The following ABCF3 variants were observed in gnomAD, a reference collection of about 807,000 sequenced individuals.
The protein encoded by ABCF3 is ATP binding cassette subfamily F member 3.
In ABCF3, 62 loss-of-function variants were observed where a neutral mutation model predicts 94.3. That is an observed-to-expected ratio of 0.66 (90% CI 0.54 to 0.81). The LOEUF (loss-of-function observed/expected upper bound fraction) is 0.81. Among genes scored for constraint, ABCF3 ranks in the 40% least tolerant of loss-of-function variants. ABCF3 has a pLI of 0.00. For synonymous variants in ABCF3, 355 were observed against 361.1 expected, an observed-to-expected ratio of 0.98 and a Z score of 0.19; for missense variants, 843 against 925.3, an observed-to-expected ratio of 0.91 and a Z score of 1.15.
rs759058672 is a variant in ABCF3, at chr3:184,186,829, G to A, written c.255G>A (p.Val85=). The A allele has an allele frequency of 6.2e-7, 1 of 1,614,098 alleles. No homozygotes were observed. The highest frequency in any genetic ancestry group is 1.1e-5 in the South Asian group (1 of 91,038). ...AEPQSQGNSQ[V]LLDAPIQLSK... Reference sequence around the variant, plus strand: ...CACAAAGCCAGGGAAATAGCCAGGTGCTACTGGACGCCCCTATCCAGTTGT... The same window carrying A: ...CACAAAGCCAGGGAAATAGCCAGGTACTACTGGACGCCCCTATCCAGTTGT... The change falls in exon 3 of 21, where the codon GTG becomes GTA. Residue 85 remains valine (V), a synonymous_variant. Coordinates refer to ENST00000429586, the MANE Select transcript of ABCF3 (RefSeq NM_018358.3).
intron 16 of ABCF3, among the ~76,000 whole-genome samples, chr3:184,191,764 C>G (rs1428157175): frequency 4.8e-5 from 2 of 41,448 alleles, no homozygotes. Flanking sequence ...TTTTTTTTTT[C>G]GGAGACAGAG....
chr3:184,192,884 C>T lies in ABCF3; in HGVS notation c.1738C>T (p.Arg580Cys), dbSNP rs745439537. 21 of 1,613,912 alleles carry T rather than the reference C, an allele frequency of 1.3e-5. No homozygotes were observed. In the East Asian group the frequency reaches 2.2e-4, roughly 17 times the overall value. Reference protein sequence around the residue: ...LNVSAVELLARKFPGRPEEEY... With the variant: ...LNVSAVELLACKFPGRPEEEY... ...CGTCAGTGCTGTGGAACTGCTGGCA[C>T]GCAAGTTTCCTGGTGAGTTAGGGAT... The change falls in exon 18 of 21, where the codon CGC (arginine) becomes TGC (cysteine). Residue 580 changes from arginine to cysteine, a missense_variant. Arg to Cys is a radical substitution (Grantham distance 180, BLOSUM62 -3). Coordinates refer to ENST00000429586, the MANE Select transcript of ABCF3 (RefSeq NM_018358.3).
At chr3:184,188,665 C>A in intron 7 of ABCF3, 96 bp from the exon 8 acceptor site, 2 of 1,300,226 alleles carry the variant, frequency 1.5e-6, no homozygotes, top group South Asian at 1.3e-5. Flanking sequence ...CTCTTCCAGC[C>A]ACAAGGTAGC....
chr3:184,193,738 C>G lies in ABCF3; in HGVS notation c.*40C>G, dbSNP rs761898486. ...GGACTCGCCCAGGACATGGACTGGT[C>G]TCTCAGACCCCTGGGCCACCATGTA... On this transcript the variant is annotated 3_prime_UTR_variant, in exon 21 of 21. Coordinates refer to ENST00000429586, the MANE Select transcript of ABCF3 (RefSeq NM_018358.3). This position sits in a 1 kb window ranked among gnomAD's most constrained non-coding sequence, Gnocchi z 5.2. The G allele has an allele frequency of 6.5e-7, 1 of 1,534,444 alleles. No individual in the cohort carries two copies. Among genetic ancestry groups the G allele is most frequent in the Non-Finnish European group, 8.8e-7 (1 of 1,138,328 alleles).
At position 184,190,061 on chromosome 3, in the gene ABCF3, C is replaced by G. The variant is rs1294734849; in HGVS notation, c.1391+130C>G. 4 of 959,986 alleles carry G rather than the reference C, an allele frequency of 4.2e-6. No homozygotes were observed. In the Admixed American group the frequency reaches 8.2e-5, roughly 20 times the overall value. The allele number at this position is 959,986 out of a possible 1,614,324, so 59.5% of individuals were successfully genotyped here. A position where few individuals can be genotyped will look rare whatever the true frequency, so the allele number is the denominator to read the frequency against. ...AAGCCAACTGTGACTTCCTCCTCTG[C>G]TGGGAAGCAGAGTATTCCACACTGT... On this transcript the variant is annotated intron_variant, in intron 14 of 20. Coordinates refer to ENST00000429586, the MANE Select transcript of ABCF3 (RefSeq NM_018358.3).
Position 184,193,223 on chromosome 3 carries a change from G to A in ABCF3, c.1872G>A (p.Met624Ile). Residue 624 changes from methionine (M) to isoleucine (I), a missense_variant, in exon 19 of 21, where the codon ATG (methionine) becomes ATA (isoleucine). Physicochemically the swap from Met to Ile is conservative, Grantham distance 10. Coordinates refer to ENST00000429586, the MANE Select transcript of ABCF3 (RefSeq NM_018358.3). This position sits in a 1 kb window ranked among gnomAD's most constrained non-coding sequence, Gnocchi z 5.2. ...AGAGCCGAGTGGCCTTTGCTCAGATGACTATGCCCTGGTGAGGCCTCATTT... is the reference window on the plus strand; with the variant it reads ...AGAGCCGAGTGGCCTTTGCTCAGATAACTATGCCCTGGTGAGGCCTCATTT... ...GQKSRVAFAQ[M>I]TMPCPNFYIL... 3.8e-6 allele frequency: 6 copies of A among 1,565,456 alleles called. No homozygotes were observed. The highest frequency in any genetic ancestry group is 4.3e-6 in the Non-Finnish European group (5 of 1,156,500).
rs993881781 is a variant in ABCF3, at chr3:184,193,968, C to G, written c.*270C>G. The G allele has an allele frequency of 1.7e-5, 7 of 422,942 alleles. 1 individual carries two copies. In the Admixed American group the frequency reaches 2.8e-4, roughly 17 times the overall value. 26.2% of individuals were successfully genotyped at this position (422,942 alleles called of 1,614,324 possible). On this transcript the variant is annotated 3_prime_UTR_variant, in exon 21 of 21. Transcript: ENST00000429586. This position sits in a 1 kb window ranked among gnomAD's most constrained non-coding sequence, Gnocchi z 5.2. ...CACTGCCCCAGCTCTGACTGGACCCCAAGTGGCTGCTATGTAAATTAAATC... is the reference window on the plus strand; with the variant it reads ...CACTGCCCCAGCTCTGACTGGACCCGAAGTGGCTGCTATGTAAATTAAATC...
intron 1 of ABCF3, 74 bp downstream of exon 1, chr3:184,186,354 C>T: frequency 1.2e-6 from 2 of 1,604,392 alleles, no homozygotes; most frequent in Non-Finnish European, 1.7e-6. Flanking sequence ...AGCGTCGTGC[C>T]CGGGACTGTT....
At chr3:184,190,773 T>C (rs1047014417) in intron 14 of ABCF3, 1 of 538,274 alleles carries the variant, frequency 1.9e-6, no homozygotes, top group Non-Finnish European at 3.3e-6. Context: ...GCTTAGATGT[T>C]TGCGACGTGG....
chr3:184,190,181 A>G (rs1463642707), intron 14 of ABCF3: 4 of 561,294 alleles, frequency 7.1e-6, no homozygotes, highest in Non-Finnish European at 1.3e-5. Context: ...ATTTCATATA[A>G]ATGGAATCAT....
chr3:184,187,874 G>T lies in ABCF3; in HGVS notation c.460G>T (p.Ala154Ser), dbSNP rs1318342082. The T allele has an allele frequency of 1.9e-6, 3 of 1,614,160 alleles. No homozygotes were observed. The Admixed American group carries it at 5.0e-5, about 27-fold the overall frequency. ...KTSNPLVLEE[A>S]SASQAGSRKE... ...CTCCCTTTAAAGAGTCTTAGAAGAGGCATCAGCCAGCCAGGCAGGCAGCAG... is the reference window on the plus strand; with the variant it reads ...CTCCCTTTAAAGAGTCTTAGAAGAGTCATCAGCCAGCCAGGCAGGCAGCAG... The change falls in exon 6 of 21, where the codon GCA becomes TCA. Residue 154 changes from alanine to serine, a missense_variant. By Grantham distance (99) the Ala-to-Ser change is moderately conservative. Transcript: ENST00000429586.
At position 184,193,338 on chromosome 3, in the gene ABCF3, G is replaced by T. The variant is rs1366988069; in HGVS notation, c.1884-27G>T. 1 of 1,613,816 alleles carries T rather than the reference G, an allele frequency of 6.2e-7. No homozygotes were observed. The highest frequency in any genetic ancestry group is 8.5e-7 in the Non-Finnish European group (1 of 1,179,968). On this transcript the variant is annotated intron_variant, in intron 19 of 20. Coordinates refer to ENST00000429586, the MANE Select transcript of ABCF3 (RefSeq NM_018358.3). This position sits in a 1 kb window ranked among gnomAD's most constrained non-coding sequence, Gnocchi z 5.2. ...TTTTCTCTCACCGCACCCCTTCACT[G>T]CCCACCTTCCTGGTTCTGCCTTCCA... is the stretch of plus-strand genomic sequence containing the variant.
Position 184,192,836 on chromosome 3 carries a change from C to T in ABCF3, c.1690C>T (p.His564Tyr). ...NLKIGYFSQH[H>Y]VEQLDLNVSA... ...GAAGATTGGCTATTTCAGCCAGCAC[C>T]ATGTGGAGCAGCTGGACCTAAACGT... Residue 564 changes from histidine (H) to tyrosine (Y), a missense_variant, in exon 18 of 21, where the codon CAT becomes TAT. By Grantham distance (83) the His-to-Tyr change is moderately conservative. Coordinates refer to ENST00000429586, the MANE Select transcript of ABCF3 (RefSeq NM_018358.3). 6.2e-7 allele frequency: 1 copy of T among 1,614,182 alleles called. No homozygotes were observed. Among genetic ancestry groups the T allele is most frequent in the Non-Finnish European group, 8.5e-7 (1 of 1,180,020 alleles).
At chr3:184,187,321 G>A (rs1442811972) in intron 3 of ABCF3, 76 bp from the exon 4 acceptor site, 1 of 1,543,360 alleles carries the variant, frequency 6.5e-7, no homozygotes, top group Admixed American at 1.7e-5. Flanking sequence ...GTCTGTGCCT[G>A]GTTCCTATTA....
Position 184,186,214 on chromosome 3 carries a change from A to T in ABCF3, c.7A>T (p.Thr3Ser), listed in dbSNP as rs1321044875. 1 of 1,614,174 alleles carries T rather than the reference A, an allele frequency of 6.2e-7. No individual in the cohort carries two copies. The highest frequency in any genetic ancestry group is 2.2e-5 in the East Asian group (1 of 44,878). Reference protein sequence around the residue: MATCAEILRSEFP... With the variant: MASCAEILRSEFP... ...ACGGGTTCCTGAGTGGAACATGGCG[A>T]CTTGCGCCGAAATCCTGCGGAGCGA... Residue 3 changes from threonine to serine, a missense_variant, in exon 1 of 21, where the codon ACT (threonine) becomes TCT (serine). Thr to Ser is a moderately conservative substitution (Grantham distance 58). Coordinates refer to ENST00000429586, the MANE Select transcript of ABCF3 (RefSeq NM_018358.3).
In ABCF3 at chr3:184,189,416, CA is replaced by C; in HGVS notation, c.1087del (p.Ile363SerfsTer16). On this transcript the variant is annotated frameshift_variant, in exon 12 of 21. Transcript: ENST00000429586. LOFTEE classifies it high-confidence loss of function. ...CTACAAACATGCTGGATGTCAGGGC[CA>C]TCCTGTGGCTGGAGAATTACCTGCA... is the stretch of plus-strand genomic sequence containing the variant. ...EPTNMLDVRA[I>X]LWLENYLQTW... The C allele has an allele frequency of 1.2e-6, 2 of 1,614,104 alleles. No homozygotes were observed. The highest frequency in any genetic ancestry group is 1.7e-6 in the Non-Finnish European group (2 of 1,180,022).
intron 7 of ABCF3, 89 bp from the exon 8 acceptor site, chr3:184,188,672 T>TTGGAA: frequency 7.5e-7 from 1 of 1,340,146 alleles, no homozygotes; most frequent in Admixed American, 2.0e-5. Flanking sequence ...AGCCACAAGG[T>TTGGAA]AGCCAATGGC....
chr3:184,189,025 T>C, intron 9 of ABCF3, 37 bp downstream of exon 9: 1 of 1,614,228 alleles, frequency 6.2e-7, no homozygotes, highest in Non-Finnish European at 8.5e-7. Context: ...TTGAACCCTG[T>C]TGTCTCAGCC....
chr3:184,188,893 T>A (rs956964009), intron 8 of ABCF3, 36 bp from the exon 9 acceptor site: 10 of 1,614,226 alleles, frequency 6.2e-6, no homozygotes, highest in Non-Finnish European at 8.5e-6. Flanking sequence ...TTCTGTGGAC[T>A]GTTCCAACTG....
Sources: gnomAD v4.1 joint callset for allele counts (sites outside exome capture counted in the v4.1 genomes callset) on GRCh38, gnomAD v4.1.1 for gene constraint, Gnocchi (gnomAD v3.1) non-coding constraint, MANE v1.5 for transcripts, NCBI Gene and HGNC (gene_info 2026-07-23, HGNC 2026-07-21) for gene names.